The following MCTP1 variants were observed in gnomAD, a reference collection of about 807,000 sequenced individuals.
MCTP1 encodes the protein multiple C2 and transmembrane domain containing 1.
In MCTP1, 69 loss-of-function variants were observed where a neutral mutation model predicts 120.6. The ratio of observed to expected loss-of-function variants is 0.57; its 90% CI spans 0.47 to 0.70. The LOEUF (loss-of-function observed/expected upper bound fraction) is 0.70. MCTP1 is among the 30% of genes least tolerant of loss of function. The probability of loss-of-function intolerance (pLI) is 0.00; values close to 1 mark genes in which losing one functional copy is unlikely to be tolerated. For missense variants in MCTP1, 1,203 were observed against 1,248.8 expected, an observed-to-expected ratio of 0.96 and a Z score of 0.55; for synonymous variants, 529 against 493.1, an observed-to-expected ratio of 1.07 and a Z score of -0.96.
intron 1 of MCTP1, among the ~76,000 whole-genome samples, chr5:95,133,061 C>T (rs1000639697): frequency 6.6e-6 from 1 of 152,148 alleles, no homozygotes; most frequent in Non-Finnish European, 1.5e-5. Flanking sequence ...CACTTAAGTA[C>T]CTGGTCCCTT....
At chr5:95,038,020 A>C (rs1193184220) in intron 1 of MCTP1, 1 of 441,022 alleles carries the variant, frequency 2.3e-6, no homozygotes, top group African/African-American at 2.1e-5. Flanking sequence ...GGGGCATAGC[A>C]TGTCAATGTG....
At chr5:94,858,902 A>G (rs1455811082) in intron 17 of MCTP1, among the ~76,000 whole-genome samples, 1 of 151,622 alleles carries the variant, frequency 6.6e-6, no homozygotes, top group Middle Eastern at 3.2e-3. Flanking sequence ...ATTCCACTGA[A>G]TCTACTTTCT....
Position 94,749,592 on chromosome 5 carries a change from T to G in MCTP1, c.2610+29518A>C, listed in dbSNP as rs555544581. On this transcript the variant is annotated intron_variant, in intron 19 of 22. Transcript: ENST00000515393. ...ATCACTTGAACCTGGGAAGTGGAGG[T>G]TGCAGTAAGCTGACATCGTGCCACT... Among the ~76,000 whole-genome samples the G allele has an allele frequency of 1.3e-4, 17 of 132,396 alleles. No individual in the cohort carries two copies. The South Asian group carries it at 3.1e-3, about 24-fold the overall frequency. The allele number at this position is 132,396 out of a possible 152,430, so 86.9% of individuals were successfully genotyped here.
At chr5:94,894,582 C>T (rs1296584975) in intron 11 of MCTP1, 67 bp downstream of exon 11, 5 of 1,188,978 alleles carry the variant, frequency 4.2e-6, no homozygotes, top group Non-Finnish European at 3.5e-6. Flanking sequence ...TCTGTCCCTC[C>T]AGGTAAATTG....
chr5:95,149,206 G>A (rs1423470742), intron 1 of MCTP1, among the ~76,000 whole-genome samples: 3 of 152,174 alleles, frequency 2.0e-5, no homozygotes, highest in African/African-American at 7.2e-5. Context: ...ACTCCCTCAG[G>A]CAGAGGCCAC....
intron 1 of MCTP1, among the ~76,000 whole-genome samples, chr5:95,093,343 A>C (rs984817593): frequency 6.6e-6 from 1 of 152,178 alleles, no homozygotes; most frequent in Non-Finnish European, 1.5e-5. Flanking sequence ...CATGACTGCT[A>C]AGGGCCAGTG....
intron 2 of MCTP1, among the ~76,000 whole-genome samples, chr5:94,984,916 A>T (rs1581700542): frequency 6.6e-6 from 1 of 152,222 alleles, no homozygotes; most frequent in African/African-American, 2.4e-5. Flanking sequence ...TTTATAGAAG[A>T]TGATTAAATC....
rs151302540 is a variant in MCTP1 at position 94,875,992 on chromosome 5, C to T, written c.1934-2751G>A. Among the ~76,000 whole-genome samples, 940 of 152,204 alleles carry T rather than the reference C, an allele frequency of 6.2e-3. 9 individuals carry two copies. Among genetic ancestry groups the T allele is most frequent in the African/African-American group, 0.022 (893 of 41,532 alleles). ...TTTAGGAAGTATCCTCCTGTCACTG[C>T]ATGATTCAAGGGCAATTAAAAATTA... is the stretch of plus-strand genomic sequence containing the variant. On this transcript the variant is annotated intron_variant, in intron 12 of 22. Transcript: ENST00000515393.
intron 19 of MCTP1, among the ~76,000 whole-genome samples, chr5:94,756,858 C>T (rs972147546): frequency 5.3e-5 from 8 of 152,038 alleles, no homozygotes; most frequent in African/African-American, 1.7e-4. Flanking sequence ...TATTAAAGTA[C>T]TCAGTTCTGA....
chr5:95,126,694 A>G (rs1256814023), intron 1 of MCTP1, among the ~76,000 whole-genome samples: 1 of 152,186 alleles, frequency 6.6e-6, no homozygotes, highest in Non-Finnish European at 1.5e-5. Flanking sequence ...GGATCATGCT[A>G]TACTACATCT....
chr5:95,091,932 G>A (rs1024646052), intron 1 of MCTP1, among the ~76,000 whole-genome samples: 1 of 152,180 alleles, frequency 6.6e-6, no homozygotes, highest in African/African-American at 2.4e-5. Context: ...GGCCCACAAG[G>A]AAAGTCTTAT....
At chr5:95,031,522 G>T (rs779534525) in intron 1 of MCTP1, among the ~76,000 whole-genome samples, 6 of 152,080 alleles carry the variant, frequency 3.9e-5, no homozygotes, top group Non-Finnish European at 2.9e-5. Flanking sequence ...AGAATTTCAC[G>T]TCCTCCTAAA....
At position 95,252,034 on chromosome 5, in the gene MCTP1, T is replaced by A. The variant is rs575034534; in HGVS notation, c.720+31822A>T. ...ATATCATACATCACAGGCAATCTGC[T>A]AAGAGATTACAAAGACAGAAAGAAA... is the stretch of plus-strand genomic sequence containing the variant. On this transcript the variant is annotated intron_variant, in intron 1 of 22. Transcript: ENST00000515393. Among the ~76,000 whole-genome samples, 50 of 152,272 alleles carry A rather than the reference T, an allele frequency of 3.3e-4. 1 individual carries two copies. In the South Asian group the frequency reaches 6.8e-3, roughly 21 times the overall value.
chr5:95,007,738 G>A (rs2153650381), intron 2 of MCTP1, among the ~76,000 whole-genome samples: 1 of 152,328 alleles, frequency 6.6e-6, no homozygotes, highest in East Asian at 1.9e-4. Context: ...TGAAAAAAGT[G>A]AAACTTCACT....
At chr5:94,895,915 A>G (rs1803871861) in intron 10 of MCTP1, among the ~76,000 whole-genome samples, 1 of 152,214 alleles carries the variant, frequency 6.6e-6, no homozygotes, top group Non-Finnish European at 1.5e-5. Flanking sequence ...AAAGGAAAAC[A>G]ATAAGCAATG....
chr5:95,064,027 T>C (rs1749958550), intron 1 of MCTP1, among the ~76,000 whole-genome samples: 1 of 152,236 alleles, frequency 6.6e-6, no homozygotes, highest in South Asian at 2.1e-4. Context: ...GATCAAATTA[T>C]GTAAACACCT....
intron 6 of MCTP1, among the ~76,000 whole-genome samples, chr5:94,927,791 C>G (rs1415587270): frequency 1.3e-5 from 2 of 151,816 alleles, no homozygotes; most frequent in African/African-American, 4.9e-5. Context: ...TGCAGACTTA[C>G]AGAGTTGAAA....
At chr5:94,796,615 A>T (rs1370204168) in intron 18 of MCTP1, among the ~76,000 whole-genome samples, 2 of 92,796 alleles carry the variant, frequency 2.2e-5, no homozygotes, top group Admixed American at 1.3e-4. Flanking sequence ...AATATATATA[A>T]TATATATAAT....
rs200273442 is a variant in MCTP1, at chr5:94,966,103, TTAA to T, written c.839-12745_839-12743del. Among the ~76,000 whole-genome samples the T allele has an allele frequency of 2.3e-4, 35 of 152,324 alleles. No homozygotes were observed. The East Asian group carries it at 6.4e-3, about 28-fold the overall frequency. ...TTTGAGTTGGAAAAAGCATATATTA[TTAA>T]TATCAATCTACATTGCAGGTGAGGA... On this transcript the variant is annotated intron_variant, in intron 2 of 22. Transcript: ENST00000515393.
Sources: allele counts gnomAD v4.1 joint callset (sites outside exome capture counted in the v4.1 genomes callset), GRCh38; gene constraint gnomAD v4.1.1; transcripts MANE v1.5; gene names NCBI Gene and HGNC (gene_info 2026-07-23, HGNC 2026-07-21).